The following LARP1 variants were observed in gnomAD, a reference collection of about 807,000 sequenced individuals.
LARP1 encodes the protein La ribonucleoprotein 1, translational regulator.
A neutral mutation model predicts 122.7 loss-of-function variants in LARP1; 36 were observed. The ratio of observed to expected loss-of-function variants is 0.29; its 90% CI spans 0.22 to 0.39. The LOEUF (loss-of-function observed/expected upper bound fraction) is 0.39. Among genes scored for constraint, LARP1 ranks in the 10% least tolerant of loss-of-function variants. The probability of loss-of-function intolerance (pLI) is 1.00; values close to 1 mark genes in which losing one functional copy is unlikely to be tolerated. For missense variants in LARP1, 1,040 were observed against 1,403.6 expected, an observed-to-expected ratio of 0.74 and a Z score of 4.14; for synonymous variants, 539 against 528.7, an observed-to-expected ratio of 1.02 and a Z score of -0.27.
At chr5:154,809,695 A>ATTT (rs1759096038) in intron 16 of LARP1, among the ~76,000 whole-genome samples, 1 of 142,380 alleles carries the variant, frequency 7.0e-6, no homozygotes, top group African/African-American at 2.6e-5. Flanking sequence ...CATTTATACT[A>ATTT]TTTCTTTTTT....
chr5:154,719,177 G>C (rs919764894), intron 1 of LARP1, among the ~76,000 whole-genome samples: 3 of 152,124 alleles, frequency 2.0e-5, no homozygotes, highest in Non-Finnish European at 4.4e-5. Flanking sequence ...TGGCCTATTG[G>C]CCTCTGCTCC....
intron 1 of LARP1, chr5:154,756,547 C>T (rs1159002815): frequency 2.1e-6 from 2 of 972,626 alleles, no homozygotes; most frequent in Admixed American, 6.1e-5. Flanking sequence ...CTGGTTTGAA[C>T]CTTCCTCTGG....
Position 154,799,961 on chromosome 5 carries a change from G to A in LARP1, c.1635G>A (p.Leu545=), listed in dbSNP as rs937187548. 4 of 1,614,092 alleles carry A rather than the reference G, an allele frequency of 2.5e-6. No homozygotes were observed. The Admixed American group carries it at 5.0e-5, about 20-fold the overall frequency. The change falls in exon 10 of 19, where the codon CTG becomes CTA. Residue 545 remains leucine, a synonymous_variant. Coordinates refer to ENST00000518297, the MANE Select transcript of LARP1 (RefSeq NM_033551.3). ...VSNLKTLPKG[L]SASLPDLDSE... is the part of the protein sequence containing the mutation. Reference sequence around the variant, plus strand: ...ACCTAAAGACACTACCCAAGGGCCTGTCTGCCAGCCTGCCTGACCTGGATT... The same window carrying A: ...ACCTAAAGACACTACCCAAGGGCCTATCTGCCAGCCTGCCTGACCTGGATT...
intron 1 of LARP1, among the ~76,000 whole-genome samples, chr5:154,761,760 A>G (rs1046793837): frequency 2.6e-4 from 40 of 152,320 alleles, no homozygotes; most frequent in Admixed American, 9.1e-4. Flanking sequence ...CAGCACATCA[A>G]TGTGAAGGGA....
intron 1 of LARP1, among the ~76,000 whole-genome samples, chr5:154,776,164 A>G (rs552831859): frequency 1.3e-5 from 2 of 152,296 alleles, no homozygotes; most frequent in Admixed American, 1.3e-4. Context: ...TATTTTGTAT[A>G]GAGACAGAGC....
intron 1 of LARP1, among the ~76,000 whole-genome samples, chr5:154,744,888 C>T (rs1260841800): frequency 2.2e-5 from 3 of 138,780 alleles, no homozygotes; most frequent in South Asian, 4.6e-4. Flanking sequence ...CCGCCCGCCT[C>T]GGCCTCCCAA....
At position 154,802,467 on chromosome 5, in the gene LARP1, T is replaced by G. The variant is rs1758426217; in HGVS notation, c.2109+68T>G. 6.7e-7 allele frequency: 1 copy of G among 1,488,470 alleles called. No individual in the cohort carries two copies. The highest frequency in any genetic ancestry group is 1.4e-5 in the African/African-American group (1 of 71,454). The allele number at this position is 1,488,470 out of a possible 1,614,324, so 92.2% of individuals were successfully genotyped here. Reference sequence around the variant, plus strand: ...TGTATTGTACGGAGAAGAGGAAGCCTGATTAGCTGTGCAATTTTAGGCAGG... The same window carrying G: ...TGTATTGTACGGAGAAGAGGAAGCCGGATTAGCTGTGCAATTTTAGGCAGG... On this transcript the variant is annotated intron_variant, in intron 11 of 18. Coordinates refer to ENST00000518297, the MANE Select transcript of LARP1 (RefSeq NM_033551.3). The surrounding 1 kb of genome is among the most constrained non-coding windows in gnomAD (Gnocchi z 5.1).
chr5:154,694,643 G>A (rs763091882), intron 1 of LARP1, among the ~76,000 whole-genome samples: 1 of 152,118 alleles, frequency 6.6e-6, no homozygotes, highest in Non-Finnish European at 1.5e-5. Flanking sequence ...TTTGTGAGAC[G>A]TGTTAAGTGT....
chr5:154,697,371 C>T (rs752407029), intron 1 of LARP1, among the ~76,000 whole-genome samples: 12 of 151,996 alleles, frequency 7.9e-5, no homozygotes, highest in Non-Finnish European at 1.6e-4. Flanking sequence ...GAATTATGTG[C>T]GTGTACCTGT....
chr5:154,764,261 G>C (rs1490378100), intron 1 of LARP1, among the ~76,000 whole-genome samples: 1 of 150,288 alleles, frequency 6.7e-6, no homozygotes, highest in East Asian at 2.0e-4. Context: ...AGTGAGCTGA[G>C]ATTGCACCAT....
At position 154,816,054 on chromosome 5, in the gene LARP1, C is replaced by T. The variant is rs1445727889; in HGVS notation, c.*1958C>T. On this transcript the variant is annotated 3_prime_UTR_variant, in exon 19 of 19. Transcript: ENST00000518297. ...AAGGGCTTGCCCTTTACCTTGGGCACCTTGTTAATTTTTAGCCTGTGCCCT... is the reference window on the plus strand; with the variant it reads ...AAGGGCTTGCCCTTTACCTTGGGCATCTTGTTAATTTTTAGCCTGTGCCCT... The T allele has an allele frequency of 6.6e-6, 1 of 152,552 alleles. No individual in the cohort carries two copies. Among genetic ancestry groups the T allele is most frequent in the Non-Finnish European group, 1.5e-5 (1 of 68,062 alleles). 9.4% of individuals were successfully genotyped at this position (152,552 alleles called of 1,614,324 possible).
intron 8 of LARP1, among the ~76,000 whole-genome samples, chr5:154,796,997 C>T (rs1038816192): frequency 6.6e-6 from 1 of 152,076 alleles, no homozygotes; most frequent in Non-Finnish European, 1.5e-5. Flanking sequence ...ATCAAATTGT[C>T]CCACCTTTGG....
chr5:154,767,305 A>G (rs183716537), intron 1 of LARP1, among the ~76,000 whole-genome samples: 2 of 152,338 alleles, frequency 1.3e-5, no homozygotes, highest in Admixed American at 1.3e-4. Context: ...TGGTAATGGT[A>G]AGAATGTTGA....
At chr5:154,689,433 A>T (rs1294114570) in intron 1 of LARP1, among the ~76,000 whole-genome samples, 1 of 152,060 alleles carries the variant, frequency 6.6e-6, no homozygotes, top group Admixed American at 6.6e-5. Flanking sequence ...CCCAAACGAC[A>T]GTGTGAAACT....
intron 1 of LARP1, among the ~76,000 whole-genome samples, chr5:154,734,685 T>C (rs1365716948): frequency 6.6e-6 from 1 of 152,182 alleles, no homozygotes; most frequent in Non-Finnish European, 1.5e-5. Context: ...TGGTAAGAGA[T>C]ACATAAAATT....
At chr5:154,701,393 C>G (rs1754703902) in intron 1 of LARP1, among the ~76,000 whole-genome samples, 1 of 152,062 alleles carries the variant, frequency 6.6e-6, no homozygotes, top group South Asian at 2.1e-4. Context: ...TTTTGCTGAC[C>G]CAGCGAAAGT....
At chr5:154,756,304 C>A in intron 1 of LARP1, 111 bp downstream of exon 1, 1 of 946,166 alleles carries the variant, frequency 1.1e-6, no homozygotes, top group Non-Finnish European at 1.3e-6. Context: ...CATGGTGACT[C>A]GGGACTTTTT....
chr5:154,769,003 A>G (rs1278823291), intron 1 of LARP1, among the ~76,000 whole-genome samples: 1 of 151,662 alleles, frequency 6.6e-6, no homozygotes, highest in Non-Finnish European at 1.5e-5. Flanking sequence ...ACGCCTGGCT[A>G]ATTTTTTGTA....
chr5:154,712,505 A>G (rs1049642215), upstream of LARP1, among the ~76,000 whole-genome samples: 1 of 152,196 alleles, frequency 6.6e-6, no homozygotes, highest in African/African-American at 2.4e-5. Flanking sequence ...AAGATGTACT[A>G]ATAACTCTGC....
Sources: allele counts gnomAD v4.1 joint callset (sites outside exome capture counted in the v4.1 genomes callset), GRCh38; gene constraint gnomAD v4.1.1; non-coding constraint Gnocchi (gnomAD v3.1); transcripts MANE v1.5; gene names NCBI Gene and HGNC (gene_info 2026-07-23, HGNC 2026-07-21).